Variants in GRIK3 observed in about 807,000 individuals in gnomAD.
GRIK3 encodes glutamate ionotropic receptor kainate type subunit 3.
In GRIK3, 29 loss-of-function variants were observed where a neutral mutation model predicts 102.5. The ratio of observed to expected loss-of-function variants is 0.28; its 90% CI spans 0.21 to 0.39. The LOEUF (loss-of-function observed/expected upper bound fraction) is 0.39, where lower values mean the gene tolerates loss of function less well. Ranked by LOEUF, GRIK3 falls within the 10% of genes least tolerant of loss-of-function variation. The pLI is 1.00. For missense variants in GRIK3, 908 were observed against 1,252.4 expected (o/e 0.73, Z 4.15); for synonymous variants, 511 against 504.9 (o/e 1.01, Z -0.16).
chr1:36,966,822 A>G (rs1334481189), intron 1 of GRIK3, among the ~76,000 whole-genome samples: 1 of 151,974 alleles, frequency 6.6e-6, no homozygotes, highest in East Asian at 1.9e-4. Flanking sequence ...TCAGGCTTAG[A>G]TCCTGAGAAG....
chr1:36,951,604 G>A (rs746651501), intron 1 of GRIK3, among the ~76,000 whole-genome samples: 4 of 152,230 alleles, frequency 2.6e-5, no homozygotes, highest in Non-Finnish European at 4.4e-5. Flanking sequence ...TGCATTGGGG[G>A]ACTGGCCTTG....
At chr1:36,977,557 A>G (rs1642207589) in intron 1 of GRIK3, among the ~76,000 whole-genome samples, 1 of 152,176 alleles carries the variant, frequency 6.6e-6, no homozygotes, top group Non-Finnish European at 1.5e-5. Context: ...GAAAATTAAG[A>G]GAATAAAGCC....
chr1:36,943,837 C>T (rs181530949), intron 1 of GRIK3, among the ~76,000 whole-genome samples: 1 of 152,326 alleles, frequency 6.6e-6, no homozygotes, highest in Admixed American at 6.5e-5. Flanking sequence ...CCCTGGGAAG[C>T]CAGGGAGACC....
In GRIK3 at chr1:36,880,595, C is replaced by T. The variant is rs1280602461; in HGVS notation, c.550+39G>A. 6.2e-7 allele frequency: 1 copy of T among 1,603,524 alleles called. No homozygotes were observed. The highest frequency in any genetic ancestry group is 1.1e-5 in the South Asian group (1 of 90,280). ...CTTGATCCTGGGCCTCTGCCCCCCTCAACCGTTGCCCCCAGCCTAGCCAGG... is the reference window on the plus strand; with the variant it reads ...CTTGATCCTGGGCCTCTGCCCCCCTTAACCGTTGCCCCCAGCCTAGCCAGG... On this transcript the variant is annotated intron_variant, in intron 3 of 15. Coordinates refer to ENST00000373091, the MANE Select transcript of GRIK3 (RefSeq NM_000831.4). The surrounding 1 kb of genome is among the most constrained non-coding windows in gnomAD (Gnocchi z 5.4).
intron 13 of GRIK3, among the ~76,000 whole-genome samples, chr1:36,809,132 T>C (rs1642531260): frequency 6.6e-6 from 1 of 151,914 alleles, no homozygotes; most frequent in South Asian, 2.1e-4. Flanking sequence ...ATCTAATCTA[T>C]CCTTCCAATT....
chr1:36,965,055 G>T (rs1417058660), intron 1 of GRIK3, among the ~76,000 whole-genome samples: 2 of 152,186 alleles, frequency 1.3e-5, no homozygotes, highest in Non-Finnish European at 2.9e-5. Flanking sequence ...CCAGTGCCGT[G>T]GAGTGGAAGG....
intron 1 of GRIK3, among the ~76,000 whole-genome samples, chr1:36,995,151 G>A (rs1031049678): frequency 2.0e-5 from 3 of 152,130 alleles, no homozygotes; most frequent in African/African-American, 7.2e-5. Flanking sequence ...GCTGTCATCC[G>A]ATGTAATTGC....
intron 1 of GRIK3, among the ~76,000 whole-genome samples, chr1:36,994,773 T>A (rs150344424): frequency 6.6e-6 from 1 of 152,334 alleles, no homozygotes; most frequent in East Asian, 1.9e-4. Flanking sequence ...CTGGGCATCA[T>A]TCTAAACTTC....
chr1:37,023,060 G>A (rs150711534), intron 1 of GRIK3, among the ~76,000 whole-genome samples: 119 of 152,286 alleles, frequency 7.8e-4, no homozygotes, highest in African/African-American at 2.4e-3. Flanking sequence ...CGGGTGCAGT[G>A]GCTCACGTCT....
rs1642642755 is a variant in GRIK3, at chr1:36,817,289, G to A, written c.1874-12C>T. 1 of 1,571,968 alleles carries A rather than the reference G, an allele frequency of 6.4e-7. No homozygotes were observed. Among genetic ancestry groups the A allele is most frequent in the Non-Finnish European group, 8.8e-7 (1 of 1,141,624 alleles). On this transcript the variant is annotated splice_polypyrimidine_tract_variant and intron_variant, in intron 12 of 15. Transcript: ENST00000373091. ...CATCAGCTCAGACCCTGGGCGAAGA[G>A]AGGAGATAGTCAGTCCCTTACAACA...
intron 10 of GRIK3, among the ~76,000 whole-genome samples, chr1:36,832,157 C>T (rs560805723): frequency 2.8e-4 from 42 of 152,282 alleles, no homozygotes; most frequent in Non-Finnish European, 4.6e-4. Context: ...AGGCATTGGC[C>T]GATTCTCTGG....
At chr1:36,841,701 G>A in intron 10 of GRIK3, 35 bp downstream of exon 10, 1 of 1,563,524 alleles carries the variant, frequency 6.4e-7, no homozygotes, top group South Asian at 1.1e-5. Context: ...TCTCCCCAGG[G>A]TCCTGAGCCC....
chr1:36,918,800 G>A (rs757361721), intron 1 of GRIK3, among the ~76,000 whole-genome samples: 4 of 152,216 alleles, frequency 2.6e-5, no homozygotes, highest in Non-Finnish European at 4.4e-5. Flanking sequence ...AACTGAGCCA[G>A]TGGGAATAAA....
At chr1:36,913,740 G>C (rs930423803) in intron 1 of GRIK3, among the ~76,000 whole-genome samples, 3 of 152,072 alleles carry the variant, frequency 2.0e-5, no homozygotes, top group Admixed American at 1.3e-4. Flanking sequence ...CTTTCTGGGA[G>C]GAGCTCTCCC....
intron 1 of GRIK3, among the ~76,000 whole-genome samples, chr1:37,033,257 A>T (rs1367019973): frequency 6.6e-6 from 1 of 152,148 alleles, no homozygotes; most frequent in Non-Finnish European, 1.5e-5. Context: ...CCAGCTGCGG[A>T]GGAATTCGGG....
At chr1:36,871,708 C>T (rs1318868906) in intron 4 of GRIK3, among the ~76,000 whole-genome samples, 1 of 152,318 alleles carries the variant, frequency 6.6e-6, no homozygotes, top group East Asian at 1.9e-4. Context: ...GTACGAGAGC[C>T]TTGATAAAGC....
intron 2 of GRIK3, among the ~76,000 whole-genome samples, chr1:36,882,612 G>A (rs1483505466): frequency 6.6e-6 from 1 of 152,118 alleles, no homozygotes; most frequent in East Asian, 1.9e-4. Flanking sequence ...GACCTTCCTA[G>A]TTCACAGCCA....
At chr1:36,933,906 G>T (rs532878210) in intron 1 of GRIK3, among the ~76,000 whole-genome samples, 1 of 152,126 alleles carries the variant, frequency 6.6e-6, no homozygotes, top group African/African-American at 2.4e-5. Flanking sequence ...ACTTCCACTT[G>T]AGCATCTCGC....
chr1:36,842,528 A>G (rs1441852035), intron 9 of GRIK3, among the ~76,000 whole-genome samples: 1 of 152,162 alleles, frequency 6.6e-6, no homozygotes, highest in Non-Finnish European at 1.5e-5. Flanking sequence ...TTAGATTTAC[A>G]TGCTCCTGGA....
Sources: gnomAD v4.1 joint callset for allele counts (sites outside exome capture counted in the v4.1 genomes callset) on GRCh38, gnomAD v4.1.1 for gene constraint, Gnocchi (gnomAD v3.1) non-coding constraint, MANE v1.5 for transcripts, NCBI Gene and HGNC (gene_info 2026-07-23, HGNC 2026-07-21) for gene names.